The following STX8 variants were observed in gnomAD, a reference collection of about 807,000 sequenced individuals.
STX8 encodes syntaxin 8.
Under a neutral mutation model 37.5 loss-of-function variants are expected in STX8, and 23 were observed. That is an observed-to-expected ratio of 0.61 (90% CI 0.44 to 0.87). The LOEUF (loss-of-function observed/expected upper bound fraction) is 0.87, where lower values mean the gene tolerates loss of function less well. Among genes scored for constraint, STX8 ranks in the 40% least tolerant of loss-of-function variants. The pLI is 0.00. For synonymous variants in STX8, 115 were observed against 99.1 expected, an observed-to-expected ratio of 1.16 and a Z score of -0.95; for missense variants, 313 against 284.7, an observed-to-expected ratio of 1.10 and a Z score of -0.71.
At chr17:9,363,490 G>C (rs74755178) in intron 7 of STX8, among the ~76,000 whole-genome samples, 2,256 of 152,286 alleles carry the variant, frequency 0.015, 30 homozygotes, top group Non-Finnish European at 0.024. Flanking sequence ...CATACTTTGA[G>C]TATGCAAAAC....
intron 7 of STX8, among the ~76,000 whole-genome samples, chr17:9,281,428 G>A (rs1335322930): frequency 4.6e-5 from 7 of 152,162 alleles, no homozygotes; most frequent in African/African-American, 7.2e-5. Context: ...GGAGAAGATC[G>A]TGAGCCTAGT....
chr17:9,403,586 A>G (rs79048275), intron 6 of STX8, among the ~76,000 whole-genome samples: 1,999 of 152,126 alleles, frequency 0.013, 40 homozygotes, highest in African/African-American at 0.045. Flanking sequence ...ACTACATTTG[A>G]CCCTTAAACA....
At position 9,269,014 on chromosome 17, in the gene STX8, C is replaced by T. The variant is rs138761284; in HGVS notation, c.644-18369G>A. 4.1e-3 allele frequency among the ~76,000 whole-genome samples: 631 copies of T among 152,070 alleles called. 4 individuals are homozygous for T. The highest frequency in any genetic ancestry group is 0.014 in the East Asian group (74 of 5,180). On this transcript the variant is annotated intron_variant, in intron 7 of 7. Transcript: ENST00000306357. ...CATCCTGGCTAAAACGGTGAAACCC[C>T]GTCTCTACTAAAAATACAAAAAATT...
At chr17:9,373,126 GAAAAGAAAAAGA>G (rs551413671) in intron 7 of STX8, among the ~76,000 whole-genome samples, 117 of 148,512 alleles carry the variant, frequency 7.9e-4, no homozygotes, top group Admixed American at 1.8e-3. Context: ...AAAAAGAAAA[GAAAAGAAAAAGA>G]AAAAGAAAAA....
chr17:9,448,753 T>C (rs1384292164), intron 6 of STX8, among the ~76,000 whole-genome samples: 1 of 152,138 alleles, frequency 6.6e-6, no homozygotes, highest in East Asian at 1.9e-4. Flanking sequence ...AGAACAGTGG[T>C]TCAGTATGCA....
chr17:9,377,459 C>T (rs998518135), intron 7 of STX8, among the ~76,000 whole-genome samples: 1 of 151,982 alleles, frequency 6.6e-6, no homozygotes, highest in African/African-American at 2.4e-5. Flanking sequence ...TACCACCATG[C>T]CTGGCTAATT....
At chr17:9,412,558 C>A (rs1407545427) in intron 6 of STX8, among the ~76,000 whole-genome samples, 1 of 152,120 alleles carries the variant, frequency 6.6e-6, no homozygotes, top group Non-Finnish European at 1.5e-5. Context: ...GGATTACACG[C>A]GTGAGCCACC....
intron 6 of STX8, among the ~76,000 whole-genome samples, chr17:9,400,290 G>C (rs756148845): frequency 9.9e-5 from 15 of 151,838 alleles, no homozygotes; most frequent in South Asian, 8.3e-4. Context: ...TTTTAATAGA[G>C]ACGGGATTCA....
chr17:9,492,086 C>G (rs1169901061), intron 5 of STX8, among the ~76,000 whole-genome samples, 165 bp from the exon 6 acceptor site: 1 of 152,058 alleles, frequency 6.6e-6, no homozygotes, highest in African/African-American at 2.4e-5. Context: ...AAACACCTAC[C>G]TGACACCTTA....
chr17:9,432,502 A>G (rs1597668885), intron 6 of STX8, among the ~76,000 whole-genome samples: 1 of 69,802 alleles, frequency 1.4e-5, no homozygotes, highest in Non-Finnish European at 2.7e-5. Context: ...AAATCGGAAG[A>G]AAAAAAAAAT....
chr17:9,276,773 T>C (rs143146405), intron 7 of STX8, among the ~76,000 whole-genome samples: 168 of 148,832 alleles, frequency 1.1e-3, no homozygotes, highest in African/African-American at 4.0e-3. Context: ...GTAGCTGGGA[T>C]TACAGGTGCC....
At chr17:9,320,491 T>C (rs961186329) in intron 7 of STX8, among the ~76,000 whole-genome samples, 5 of 152,196 alleles carry the variant, frequency 3.3e-5, no homozygotes, top group Admixed American at 2.0e-4. Flanking sequence ...TCATTAACCA[T>C]AGCTCATTTC....
intron 7 of STX8, among the ~76,000 whole-genome samples, chr17:9,303,095 C>A (rs1658017487): frequency 6.6e-6 from 1 of 151,606 alleles, no homozygotes; most frequent in Non-Finnish European, 1.5e-5. Context: ...AGATCGAGAC[C>A]ATCCTGGCCA....
intron 7 of STX8, among the ~76,000 whole-genome samples, chr17:9,281,980 C>G (rs1250485438): frequency 6.6e-6 from 1 of 152,206 alleles, no homozygotes; most frequent in Non-Finnish European, 1.5e-5. Flanking sequence ...GAGGCCTCTC[C>G]ACCAGGGCCC....
At chr17:9,302,783 A>G (rs181777918) in intron 7 of STX8, among the ~76,000 whole-genome samples, 2 of 152,108 alleles carry the variant, frequency 1.3e-5, no homozygotes, top group South Asian at 2.1e-4. Flanking sequence ...AAGTCAGATC[A>G]GTTGTTTCCA....
At chr17:9,439,070 AT>A (rs887759311) in intron 6 of STX8, among the ~76,000 whole-genome samples, 4 of 151,976 alleles carry the variant, frequency 2.6e-5, no homozygotes, top group African/African-American at 9.7e-5. Context: ...ATAGCTTTTG[AT>A]TTTTTTTCAA....
At chr17:9,535,893 G>A (rs1037620680) in intron 4 of STX8, among the ~76,000 whole-genome samples, 1 of 152,142 alleles carries the variant, frequency 6.6e-6, no homozygotes, top group Non-Finnish European at 1.5e-5. Context: ...ATATTATAAG[G>A]CTACAAAAAC....
At chr17:9,564,098 A>C (rs184565121) in intron 2 of STX8, among the ~76,000 whole-genome samples, 32 of 152,320 alleles carry the variant, frequency 2.1e-4, no homozygotes, top group African/African-American at 7.2e-4. Flanking sequence ...CCTCAAAATA[A>C]TAAGAGCCAT....
At chr17:9,486,083 G>C (rs1422833635) in intron 6 of STX8, among the ~76,000 whole-genome samples, 1 of 152,138 alleles carries the variant, frequency 6.6e-6, no homozygotes, top group African/African-American at 2.4e-5. Context: ...ATGTTCCAGA[G>C]AGAAGGAAAT....
Sources: gnomAD v4.1 joint callset for allele counts (sites outside exome capture counted in the v4.1 genomes callset) on GRCh38, gnomAD v4.1.1 for gene constraint, MANE v1.5 for transcripts, NCBI Gene and HGNC (gene_info 2026-07-23, HGNC 2026-07-21) for gene names.